The following GRB14 variants were observed in gnomAD, a reference collection of about 807,000 sequenced individuals.
The protein encoded by GRB14 is growth factor receptor bound protein 14.
GRB14 carries 38 observed loss-of-function variants against 69.1 expected under a neutral mutation model. The observed-to-expected ratio is 0.55, with a 90% CI of 0.42 to 0.72. The LOEUF (loss-of-function observed/expected upper bound fraction) is 0.72. GRB14 is among the 30% of genes least tolerant of loss of function. GRB14 has a pLI of 0.00. For synonymous variants in GRB14, 247 were observed against 241.3 expected (o/e 1.02, Z -0.22); for missense variants, 666 against 666.1 (o/e 1.00, Z 0.00).
At chr2:164,522,233 A>G in intron 5 of GRB14, 116 bp from the exon 6 acceptor site, 1 of 646,704 alleles carries the variant, frequency 1.5e-6, no homozygotes, top group Non-Finnish European at 2.7e-6. Flanking sequence ...AGATCATAAC[A>G]TATAACATTA....
At chr2:164,559,875 A>G (rs1235159316) in intron 2 of GRB14, among the ~76,000 whole-genome samples, 1 of 152,176 alleles carries the variant, frequency 6.6e-6, no homozygotes, top group African/African-American at 2.4e-5. Context: ...TGTTTTCCAT[A>G]GTGGTTGTAC....
chr2:164,575,368 A>G (rs766394215), intron 2 of GRB14, among the ~76,000 whole-genome samples: 1 of 152,220 alleles, frequency 6.6e-6, no homozygotes, highest in Non-Finnish European at 1.5e-5. Flanking sequence ...ACCTGAGTGA[A>G]ATAACTGAAA....
intron 2 of GRB14, among the ~76,000 whole-genome samples, chr2:164,600,986 A>G (rs1008456607): frequency 6.6e-6 from 1 of 152,132 alleles, no homozygotes; most frequent in African/African-American, 2.4e-5. Flanking sequence ...CAATGGAAAA[A>G]AAAAAGGTTG....
intron 2 of GRB14, among the ~76,000 whole-genome samples, chr2:164,601,107 A>T (rs1230731447): frequency 6.6e-6 from 1 of 152,206 alleles, no homozygotes; most frequent in Non-Finnish European, 1.5e-5. Flanking sequence ...AGGATCTGTC[A>T]ATGAAAGTTA....
chr2:164,620,555 G>A (rs1690431606), intron 1 of GRB14, among the ~76,000 whole-genome samples: 1 of 152,110 alleles, frequency 6.6e-6, no homozygotes, highest in South Asian at 2.1e-4. Flanking sequence ...GAATATAAAG[G>A]ACTATAGATT....
intron 2 of GRB14, among the ~76,000 whole-genome samples, chr2:164,568,731 T>C (rs986834115): frequency 6.6e-6 from 1 of 152,250 alleles, no homozygotes; most frequent in African/African-American, 2.4e-5. Flanking sequence ...TAGGCAGTTA[T>C]GTCTTTACTA....
At chr2:164,559,478 A>G (rs999146026) in intron 2 of GRB14, among the ~76,000 whole-genome samples, 2 of 152,102 alleles carry the variant, frequency 1.3e-5, no homozygotes, top group African/African-American at 4.8e-5. Flanking sequence ...AGTCCATTGT[A>G]TCATTCTTAT....
rs1300237254 is a variant in GRB14, at chr2:164,492,938, C to A, written c.*98G>T. ...TTGTAACTTGCAGGTGAAATACATT[C>A]TTTTCACATGGTAATGTTTTCGCCC... On this transcript the variant is annotated 3_prime_UTR_variant, in exon 14 of 14. Transcript: ENST00000263915. 16 of 1,134,148 alleles carry A rather than the reference C, an allele frequency of 1.4e-5. No individual in the cohort carries two copies. In the Admixed American group the frequency reaches 4.2e-4, roughly 29 times the overall value. 70.3% of individuals were successfully genotyped at this position (1,134,148 alleles called of 1,614,324 possible). A position where few individuals can be genotyped will look rare whatever the true frequency, so the allele number is the denominator to read the frequency against.
At chr2:164,535,886 T>G (rs890954957) in intron 3 of GRB14, among the ~76,000 whole-genome samples, 3 of 152,146 alleles carry the variant, frequency 2.0e-5, no homozygotes, top group Admixed American at 1.3e-4. Flanking sequence ...CGAGGGGAAA[T>G]AGTCTCCAAT....
rs1442039102 is a variant in GRB14, at chr2:164,621,169, C to T, written c.141G>A (p.Ala47=). Residue 47 remains alanine, a synonymous_variant, in exon 1 of 14, where the codon GCG becomes GCA. Coordinates refer to ENST00000263915, the MANE Select transcript of GRB14 (RefSeq NM_004490.3). The surrounding 1 kb of genome is among the most constrained non-coding windows in gnomAD (Gnocchi z 6.0). The part of the protein sequence containing the change: ...HDLAPAPWLH[A]RALLPLPDGT... ...CGTCCGGAAGGGGCAGGAGCGCTCGCGCGTGCAGCCAGGGGGCCGGCGCCA... is the reference window on the plus strand; with the variant it reads ...CGTCCGGAAGGGGCAGGAGCGCTCGTGCGTGCAGCCAGGGGGCCGGCGCCA... 3 of 1,244,482 alleles carry T rather than the reference C, an allele frequency of 2.4e-6. No individual in the cohort carries two copies. Among genetic ancestry groups the T allele is most frequent in the Non-Finnish European group, 3.0e-6 (3 of 988,168 alleles). The allele number at this position is 1,244,482 out of a possible 1,614,324, so 77.1% of individuals were successfully genotyped here.
intron 2 of GRB14, among the ~76,000 whole-genome samples, chr2:164,570,748 C>T (rs1231411694): frequency 6.6e-6 from 1 of 152,126 alleles, no homozygotes; most frequent in Non-Finnish European, 1.5e-5. Flanking sequence ...TTGTATCACA[C>T]CATAAAGCCT....
chr2:164,612,442 C>T (rs1690189734), intron 2 of GRB14, among the ~76,000 whole-genome samples: 1 of 152,160 alleles, frequency 6.6e-6, no homozygotes, highest in South Asian at 2.1e-4. Flanking sequence ...GTCAGTCCTG[C>T]CATTTCTCTT....
chr2:164,508,589 T>G (rs1035151378), intron 7 of GRB14, 39 bp from the exon 8 acceptor site: 1 of 1,565,164 alleles, frequency 6.4e-7, no homozygotes, highest in African/African-American at 1.4e-5. Context: ...TTAATGCATA[T>G]CTTGAAGGTA....
chr2:164,531,810 A>C (rs1687946837), intron 3 of GRB14, among the ~76,000 whole-genome samples: 1 of 152,182 alleles, frequency 6.6e-6, no homozygotes, highest in Non-Finnish European at 1.5e-5. Flanking sequence ...GATAGGTTTA[A>C]CAGTGGTATG....
At chr2:164,609,428 C>T (rs1032971065) in intron 2 of GRB14, among the ~76,000 whole-genome samples, 5 of 152,172 alleles carry the variant, frequency 3.3e-5, no homozygotes, top group African/African-American at 1.2e-4. Flanking sequence ...ATTGTTTCCA[C>T]GGGCTCTCCC....
At chr2:164,575,113 C>A (rs1384699480) in intron 2 of GRB14, among the ~76,000 whole-genome samples, 1 of 152,112 alleles carries the variant, frequency 6.6e-6, no homozygotes, top group Admixed American at 6.5e-5. Context: ...CAACATTCAA[C>A]AGTCAGATTC....
chr2:164,551,451 C>T (rs75581079), intron 2 of GRB14, among the ~76,000 whole-genome samples: 2,748 of 152,200 alleles, frequency 0.018, 30 homozygotes, highest in Non-Finnish European at 0.028. Context: ...CATGTTGAAT[C>T]CCTAGTCCCA....
At chr2:164,528,645 G>A (rs1298243490) in intron 3 of GRB14, among the ~76,000 whole-genome samples, 6 of 152,070 alleles carry the variant, frequency 3.9e-5, no homozygotes, top group African/African-American at 4.8e-5. Flanking sequence ...CTATCCCATC[G>A]ACTGGCTCCA....
chr2:164,589,515 G>A (rs1490755143), intron 2 of GRB14, among the ~76,000 whole-genome samples: 2 of 152,132 alleles, frequency 1.3e-5, no homozygotes, highest in South Asian at 2.1e-4. Context: ...GAGCCAGCAT[G>A]TGCACAGATC....
Sources: gnomAD v4.1 joint callset for allele counts (sites outside exome capture counted in the v4.1 genomes callset) on GRCh38, gnomAD v4.1.1 for gene constraint, Gnocchi (gnomAD v3.1) non-coding constraint, MANE v1.5 for transcripts, NCBI Gene and HGNC (gene_info 2026-07-23, HGNC 2026-07-21) for gene names.